The following LRSAM1 variants were observed in gnomAD, a reference collection of about 807,000 sequenced individuals.
LRSAM1 encodes the protein leucine rich repeat and sterile alpha motif containing 1.
LRSAM1 carries 96 observed loss-of-function variants against 118.1 expected under a neutral mutation model. The ratio of observed to expected loss-of-function variants is 0.81; its 90% CI spans 0.69 to 0.96. The LOEUF (loss-of-function observed/expected upper bound fraction) is 0.96. LRSAM1 is among the 40% of genes least tolerant of loss of function. LRSAM1 has a pLI of 0.00. For missense variants in LRSAM1, 804 were observed against 915.5 expected (o/e 0.88, Z 1.57); for synonymous variants, 322 against 364.2 (o/e 0.88, Z 1.32).
intron 24 of LRSAM1, 114 bp downstream of exon 24, chr9:127,497,448 C>A: frequency 6.6e-6 from 7 of 1,059,210 alleles, no homozygotes; most frequent in South Asian, 2.6e-5. Flanking sequence ...TGGTTCTAGC[C>A]TCTGCTGGTC....
chr9:127,472,439 C>G (rs941589696), intron 10 of LRSAM1, among the ~76,000 whole-genome samples: 5 of 151,772 alleles, frequency 3.3e-5, no homozygotes, highest in Admixed American at 6.6e-5. Flanking sequence ...GTCAGGAGTT[C>G]GAGACCACCT....
chr9:127,478,654 C>T (rs1835422459), intron 11 of LRSAM1, among the ~76,000 whole-genome samples: 1 of 152,184 alleles, frequency 6.6e-6, no homozygotes, highest in African/African-American at 2.4e-5. Context: ...GACCACCATC[C>T]CTGCTCAGGG....
At chr9:127,470,397 TA>T (rs1231441927) in intron 10 of LRSAM1, among the ~76,000 whole-genome samples, 1 of 151,906 alleles carries the variant, frequency 6.6e-6, no homozygotes, top group African/African-American at 2.4e-5. Context: ...CCCACCACCA[TA>T]AGAATAGCAT....
chr9:127,464,250 A>G (rs1345173692), intron 9 of LRSAM1, among the ~76,000 whole-genome samples: 5 of 152,218 alleles, frequency 3.3e-5, no homozygotes, highest in Admixed American at 3.3e-4. Flanking sequence ...ATGGGCCAAC[A>G]TGGCTTGTCC....
chr9:127,458,419 C>A (rs7874743), intron 6 of LRSAM1, among the ~76,000 whole-genome samples: 84,642 of 141,032 alleles, frequency 0.6, 26,377 homozygotes, highest in African/African-American at 0.63. Flanking sequence ...CAAAACAAAA[C>A]AAAAAAAAAC....
In LRSAM1 at chr9:127,454,489, G is replaced by A. The variant is rs1208699097; in HGVS notation, c.-32-7G>A. 6.2e-7 allele frequency: 1 copy of A among 1,610,308 alleles called. No individual in the cohort carries two copies. The highest frequency in any genetic ancestry group is 2.2e-5 in the East Asian group (1 of 44,872). ...CCCCAGTCCCTAACTTCTCTCCTGT[G>A]CCCCAGGGTCCTAAAGATCGCTCTG... On this transcript the variant is annotated splice_polypyrimidine_tract_variant and splice_region_variant and intron_variant, in intron 2 of 25. Coordinates refer to ENST00000300417, the MANE Select transcript of LRSAM1 (RefSeq NM_001005373.4).
At chr9:127,457,235 C>T (rs1588093416) in intron 5 of LRSAM1, 81 bp from the exon 6 acceptor site, 32 of 1,525,370 alleles carry the variant, frequency 2.1e-5, no homozygotes, top group Non-Finnish European at 2.8e-5. Context: ...TGGCACGGCG[C>T]TGGGCTGGCT....
chr9:127,453,986 CACTG>C (rs999775106), intron 2 of LRSAM1: 4 of 208,020 alleles, frequency 1.9e-5, no homozygotes, highest in African/African-American at 9.5e-5. Flanking sequence ...GCTAGAAAGA[CACTG>C]ACCCTTACCC....
intron 9 of LRSAM1, among the ~76,000 whole-genome samples, chr9:127,462,852 A>AT (rs1263059482): frequency 3.3e-5 from 5 of 152,000 alleles, no homozygotes; most frequent in African/African-American, 1.2e-4. Flanking sequence ...AGAAAAAAAA[A>AT]GTTAAAAAAA....
At position 127,454,482 on chromosome 9, in the gene LRSAM1, C is replaced by G. The variant is rs748153917; in HGVS notation, c.-32-14C>G. 3 of 1,607,556 alleles carry G rather than the reference C, an allele frequency of 1.9e-6. No homozygotes were observed. On this transcript the variant is annotated splice_polypyrimidine_tract_variant and intron_variant, in intron 2 of 25. Transcript: ENST00000300417. ...ACAAATTCCCCAGTCCCTAACTTCTCTCCTGTGCCCCAGGGTCCTAAAGAT... is the reference window on the plus strand; with the variant it reads ...ACAAATTCCCCAGTCCCTAACTTCTGTCCTGTGCCCCAGGGTCCTAAAGAT...
At chr9:127,500,477 CA>C (rs1554762408) in intron 24 of LRSAM1, among the ~76,000 whole-genome samples, 4 of 151,846 alleles carry the variant, frequency 2.6e-5, no homozygotes, top group Non-Finnish European at 5.9e-5. Context: ...GGGCTGGGGG[CA>C]GGGGAACAGC....
chr9:127,455,088 A>G, intron 4 of LRSAM1, 34 bp downstream of exon 4: 1 of 1,607,286 alleles, frequency 6.2e-7, no homozygotes, highest in Non-Finnish European at 8.5e-7. Context: ...TGTGAATTGG[A>G]TCTGTCCCGT....
At position 127,478,929 on chromosome 9, in the gene LRSAM1, C is replaced by T; in HGVS notation, c.751-5C>T. On this transcript the variant is annotated splice_polypyrimidine_tract_variant and splice_region_variant and intron_variant, in intron 11 of 25. Coordinates refer to ENST00000300417, the MANE Select transcript of LRSAM1 (RefSeq NM_001005373.4). The stretch of plus-strand genomic sequence containing the variant: ...CTCTTGACCACTGTCTTTTTTTCCT[C>T]CCAGAACAGGTTCTCAGACTATGAG... The T allele has an allele frequency of 6.2e-7, 1 of 1,614,066 alleles. No homozygotes were observed. Among genetic ancestry groups the T allele is most frequent in the Non-Finnish European group, 8.5e-7 (1 of 1,179,966 alleles).
chr9:127,458,419 C>CAACAA lies in LRSAM1; in HGVS notation c.253-582_253-581insCAAAA, dbSNP rs1834609979. On this transcript the variant is annotated intron_variant, in intron 6 of 25. Coordinates refer to ENST00000300417, the MANE Select transcript of LRSAM1 (RefSeq NM_001005373.4). The stretch of plus-strand genomic sequence containing the variant: ...CAAAACAAAACAAAACAAAACAAAA[C>CAACAA]AAAAAAAAACACCAGCAGAGCATGT... Among the ~76,000 whole-genome samples, 3 of 141,378 alleles carry CAACAA rather than the reference C, an allele frequency of 2.1e-5. 1 individual carries two copies. Among genetic ancestry groups the CAACAA allele is most frequent in the Admixed American group, 1.4e-4 (2 of 14,410 alleles). 92.7% of individuals were successfully genotyped at this position (141,378 alleles called of 152,430 possible).
At chr9:127,497,622 G>A (rs545692903) in intron 24 of LRSAM1, among the ~76,000 whole-genome samples, 24 of 152,158 alleles carry the variant, frequency 1.6e-4, no homozygotes, top group African/African-American at 5.5e-4. Context: ...CCCTACAGAC[G>A]CTGGGATCCA....
intron 20 of LRSAM1, among the ~76,000 whole-genome samples, chr9:127,492,002 G>A (rs1835951707): frequency 6.6e-6 from 1 of 152,238 alleles, no homozygotes; most frequent in South Asian, 2.1e-4. Flanking sequence ...CCTTCGGTCT[G>A]TCACTGTCCC....
intron 19 of LRSAM1, 102 bp from the exon 20 acceptor site, chr9:127,491,113 A>G: frequency 1.0e-6 from 1 of 956,222 alleles, no homozygotes; most frequent in Non-Finnish European, 1.7e-6. Flanking sequence ...CAGCCTCCCC[A>G]GAAAGGCTTC....
At chr9:127,501,750 T>C (rs1836403251) in intron 25 of LRSAM1, among the ~76,000 whole-genome samples, 1 of 152,094 alleles carries the variant, frequency 6.6e-6, no homozygotes, top group East Asian at 1.9e-4. Flanking sequence ...GAAAAAATCA[T>C]CTTTTAAAAA....
chr9:127,454,123 A>G, intron 2 of LRSAM1: 2 of 339,550 alleles, frequency 5.9e-6, no homozygotes, highest in Non-Finnish European at 1.1e-5. Flanking sequence ...CTCACTAGAA[A>G]GACGCAGCCC....
Sources: gnomAD v4.1 joint callset for allele counts (sites outside exome capture counted in the v4.1 genomes callset) on GRCh38, gnomAD v4.1.1 for gene constraint, MANE v1.5 for transcripts, NCBI Gene and HGNC (gene_info 2026-07-23, HGNC 2026-07-21) for gene names.